Variants in RSPH14 observed in about 807,000 individuals in gnomAD.
RSPH14 encodes radial spoke head 14 homolog.
A neutral mutation model predicts 26.7 loss-of-function variants in RSPH14; 20 were observed. The observed-to-expected ratio is 0.75, with a 90% CI of 0.53 to 1.09. The LOEUF is 1.09. Ranked by LOEUF, RSPH14 falls within the 50% of genes least tolerant of loss-of-function variation. RSPH14 has a pLI of 0.00. For missense variants in RSPH14, 449 were observed against 457.2 expected, an observed-to-expected ratio of 0.98 and a Z score of 0.16; for synonymous variants, 177 against 189.3, an observed-to-expected ratio of 0.93 and a Z score of 0.53.
chr22:23,107,473 T>C (rs2069516555), intron 4 of RSPH14, among the ~76,000 whole-genome samples: 1 of 152,156 alleles, frequency 6.6e-6, no homozygotes, highest in African/African-American at 2.4e-5. Context: ...CCTGAGAGTG[T>C]CTGAGGACAG....
At position 23,080,955 on chromosome 22, in the gene RSPH14, C is replaced by G. The variant is rs571471942; in HGVS notation, c.422-16822G>C. Among the ~76,000 whole-genome samples, 35 of 152,374 alleles carry G rather than the reference C, an allele frequency of 2.3e-4. 1 individual carries two copies. The highest frequency in any genetic ancestry group is 8.4e-4 in the African/African-American group (35 of 41,590). On this transcript the variant is annotated intron_variant, in intron 4 of 6. Transcript: ENST00000216036. ...AGGGCAGCGGGCACTCTCTAGAACC[C>G]CCTTGCCCTTCCACATGTATCCCTT...
At chr22:23,074,666 T>C (rs73401124) in intron 4 of RSPH14, among the ~76,000 whole-genome samples, 58 of 152,180 alleles carry the variant, frequency 3.8e-4, no homozygotes, top group African/African-American at 1.3e-3. Flanking sequence ...GGGCCTCCAC[T>C]GTGGGGAGGA....
intron 4 of RSPH14, among the ~76,000 whole-genome samples, chr22:23,109,192 G>A (rs1007335985): frequency 5.3e-5 from 8 of 152,182 alleles, no homozygotes; most frequent in African/African-American, 1.9e-4. Flanking sequence ...CAGCTACCAG[G>A]ACCCGAGCCT....
intron 4 of RSPH14, among the ~76,000 whole-genome samples, chr22:23,118,450 T>C (rs1217356899): frequency 1.3e-5 from 2 of 152,166 alleles, no homozygotes; most frequent in Non-Finnish European, 2.9e-5. Context: ...AATGGTGGTG[T>C]GTTTCTGCCT....
intron 4 of RSPH14, among the ~76,000 whole-genome samples, chr22:23,068,010 C>T (rs1443662181): frequency 1.3e-5 from 2 of 152,230 alleles, no homozygotes; most frequent in Non-Finnish European, 2.9e-5. Flanking sequence ...ACTTCTCCTC[C>T]TCCTTCTCAA....
chr22:23,150,077 A>C, the RSPH14 span: 4 of 1,610,766 alleles, frequency 2.5e-6, no homozygotes, highest in Non-Finnish European at 3.4e-6. Context: ...ACACGCCGGA[A>C]GCCTGTTTGC....
chr22:23,115,869 C>A (rs1460630796), intron 4 of RSPH14, among the ~76,000 whole-genome samples: 1 of 152,260 alleles, frequency 6.6e-6, no homozygotes, highest in African/African-American at 2.4e-5. Flanking sequence ...ATTCCTTCAT[C>A]TGTGCAAGGG....
the RSPH14 span, chr22:23,162,336 GC>G: frequency 3.2e-6 from 1 of 309,544 alleles, no homozygotes; most frequent in Admixed American, 4.2e-5. Flanking sequence ...CCTGTGTGCT[GC>G]GGGAGGCAGA....
chr22:23,165,743 G>C, the RSPH14 span, among the ~76,000 whole-genome samples: 1 of 152,152 alleles, frequency 6.6e-6, no homozygotes, highest in South Asian at 2.1e-4. Context: ...AGTCCAAAAT[G>C]GCCTCCCTCA....
the RSPH14 span, among the ~76,000 whole-genome samples, chr22:23,168,278 A>T: frequency 1.3e-5 from 2 of 152,194 alleles, no homozygotes; most frequent in Admixed American, 6.5e-5. Flanking sequence ...CAGCTCTTGA[A>T]GTCCTGGGCC....
At chr22:23,157,332 G>A in the RSPH14 span, among the ~76,000 whole-genome samples, 1 of 151,756 alleles carries the variant, frequency 6.6e-6, no homozygotes, top group East Asian at 1.9e-4. Context: ...CTCACTGCAA[G>A]CTCCGCCTCC....
intron 4 of RSPH14, among the ~76,000 whole-genome samples, chr22:23,120,713 C>G (rs1293308603): frequency 6.6e-6 from 1 of 151,980 alleles, no homozygotes; most frequent in African/African-American, 2.4e-5. Flanking sequence ...CAGATCACGC[C>G]CTTCCCAACC....
At chr22:23,074,944 G>A (rs2146251682) in intron 4 of RSPH14, among the ~76,000 whole-genome samples, 1 of 152,284 alleles carries the variant, frequency 6.6e-6, no homozygotes, top group Admixed American at 6.5e-5. Flanking sequence ...GAGGTAGGAG[G>A]ATCACTTGAA....
chr22:23,085,584 G>A (rs1337772567), intron 4 of RSPH14, among the ~76,000 whole-genome samples: 1 of 152,182 alleles, frequency 6.6e-6, no homozygotes, highest in East Asian at 1.9e-4. Flanking sequence ...GACCCACTTT[G>A]CTGAGATAAG....
chr22:23,066,836 C>T (rs1211190863), intron 4 of RSPH14, among the ~76,000 whole-genome samples: 1 of 152,150 alleles, frequency 6.6e-6, no homozygotes, highest in Non-Finnish European at 1.5e-5. Flanking sequence ...GCAGGCCAGG[C>T]TCTGGGCCAT....
At chr22:23,169,858 T>C in the RSPH14 span, among the ~76,000 whole-genome samples, 1 of 152,114 alleles carries the variant, frequency 6.6e-6, no homozygotes, top group East Asian at 1.9e-4. Context: ...ATTCTGGCAC[T>C]TTGGGAGGTG....
At chr22:23,097,860 G>A (rs747088290) in intron 4 of RSPH14, among the ~76,000 whole-genome samples, 2 of 152,216 alleles carry the variant, frequency 1.3e-5, no homozygotes, top group Non-Finnish European at 2.9e-5. Flanking sequence ...ACGGGCTTGC[G>A]CCACTGGCCT....
At chr22:23,177,326 T>C in the RSPH14 span, among the ~76,000 whole-genome samples, 1 of 149,142 alleles carries the variant, frequency 6.7e-6, no homozygotes, top group Non-Finnish European at 1.5e-5. Context: ...CCTTATCACT[T>C]CCTCCCCCAT....
rs534490483 is a variant in RSPH14 at position 23,064,003 on chromosome 22, G to A, written c.552C>T (p.Thr184=). 7.9e-5 allele frequency: 127 copies of A among 1,614,172 alleles called. No individual in the cohort carries two copies. The highest frequency in any genetic ancestry group is 3.0e-4 in the Admixed American group (18 of 60,028). ...GCACCACATTGCTGCCCAGGGCCTC[G>A]GTGGCATCCTCCTGCAGGCAGAGGA... ...TLVLCLQEDA[T]EALGSNVVLV... Residue 184 remains threonine, a synonymous_variant, in exon 5 of 7, where the codon ACC becomes ACT. Coordinates refer to ENST00000216036, the MANE Select transcript of RSPH14 (RefSeq NM_014433.3).
Sources: gnomAD v4.1 joint callset for allele counts (sites outside exome capture counted in the v4.1 genomes callset) on GRCh38, gnomAD v4.1.1 for gene constraint, MANE v1.5 for transcripts, NCBI Gene and HGNC (gene_info 2026-07-23, HGNC 2026-07-21) for gene names.